Variants in OR5AS1 observed in about 807,000 individuals in gnomAD.
The protein encoded by OR5AS1 is olfactory receptor family 5 subfamily AS member 1.
For missense variants in OR5AS1, 492 were observed against 378.2 expected, an observed-to-expected ratio of 1.30 and a Z score of -2.50; for synonymous variants, 196 against 141.7, an observed-to-expected ratio of 1.38 and a Z score of -2.72.
At position 56,032,617 on chromosome 11, in the gene OR5AS1, G is replaced by A. The variant is rs1373831157; in HGVS notation, c.*1224G>A. The stretch of plus-strand genomic sequence containing the variant: ...TGGAGACAATAAGATAGCACCTAAT[G>A]AAATGGATTGTTTTGAGTATTAAGT... On this transcript the variant is annotated 3_prime_UTR_variant, in exon 2 of 2. Coordinates refer to ENST00000641320, the MANE Select transcript of OR5AS1 (RefSeq NM_001001921.2). The A allele has an allele frequency of 6.6e-6, 1 of 152,102 alleles. No individual in the cohort carries two copies. Among genetic ancestry groups the A allele is most frequent in the Non-Finnish European group, 1.5e-5 (1 of 68,012 alleles). 9.4% of individuals were successfully genotyped at this position (152,102 alleles called of 1,614,324 possible).
intron 1 of OR5AS1, among the ~76,000 whole-genome samples, chr11:56,028,040 C>T (rs1325741878): frequency 6.6e-6 from 1 of 152,020 alleles, no homozygotes; most frequent in African/African-American, 2.4e-5. Context: ...TAGCAGCATG[C>T]TAAACCTCAG....
At chr11:56,027,836 G>A (rs536219000) in intron 1 of OR5AS1, 124 bp downstream of exon 1, 1 of 151,696 alleles carries the variant, frequency 6.6e-6, no homozygotes, top group Non-Finnish European at 1.5e-5. Context: ...TGTGTGGTGT[G>A]TTTCAGTTTG....
rs61889975 is a variant in OR5AS1, at chr11:56,031,288, T to C, written c.870T>C (p.Tyr290=). 118,316 of 1,610,350 alleles carry C rather than the reference T, an allele frequency of 0.073. 4,936 individuals carry two copies. Among genetic ancestry groups the C allele is most frequent in the Non-Finnish European group, 0.082 (96,447 of 1,177,776 alleles). The stretch of plus-strand genomic sequence containing the variant: ...TTCCCATGTTTAATCCAATAATTTA[T>C]AGTTTCAGAAACAAGGATGTGAAAA... ...VVFPMFNPII[Y]SFRNKDVKNA... is the part of the protein sequence containing the mutation. Residue 290 remains tyrosine, a synonymous_variant, in exon 2 of 2, where the codon TAT becomes TAC. Transcript: ENST00000641320.
chr11:56,035,732 C>G lies in OR5AS1; in HGVS notation c.*4339C>G, dbSNP rs372488380. ...ACAGTCAACATTAGACAGACCAAGACAGAAAATTAACAAGGATATTCAGGA... is the reference window on the plus strand; with the variant it reads ...ACAGTCAACATTAGACAGACCAAGAGAGAAAATTAACAAGGATATTCAGGA... On this transcript the variant is annotated 3_prime_UTR_variant, in exon 2 of 2. Transcript: ENST00000641320. 2.6e-5 allele frequency: 4 copies of G among 151,952 alleles called. No homozygotes were observed. Among genetic ancestry groups the G allele is most frequent in the African/African-American group, 9.7e-5 (4 of 41,354 alleles). The allele number at this position is 151,952 out of a possible 1,614,324, so 9.4% of individuals were successfully genotyped here. A position where few individuals can be genotyped will look rare whatever the true frequency, so the allele number is the denominator to read the frequency against.
chr11:56,030,441 T>C lies in OR5AS1; in HGVS notation c.23T>C (p.Met8Thr). The change falls in exon 2 of 2, where the codon ATG (methionine) becomes ACG (threonine). Residue 8 changes from methionine to threonine, a missense_variant. Transcript: ENST00000641320. Reference sequence around the variant, plus strand: ...AAGATGTTGGAGAGTAATTACACCATGCCAACTGAGTTCCTATTTGTTGGA... The same window carrying C: ...AAGATGTTGGAGAGTAATTACACCACGCCAACTGAGTTCCTATTTGTTGGA... MLESNYT[M>T]PTEFLFVGFT... The C allele has an allele frequency of 1.3e-6, 2 of 1,492,504 alleles. No individual in the cohort carries two copies. The highest frequency in any genetic ancestry group is 1.8e-6 in the Non-Finnish European group (2 of 1,120,946). The allele number at this position is 1,492,504 out of a possible 1,614,324, so 92.5% of individuals were successfully genotyped here.
chr11:56,031,213 C>G lies in OR5AS1; in HGVS notation c.795C>G (p.Ser265Arg), dbSNP rs762903555. 2.5e-5 allele frequency: 41 copies of G among 1,613,352 alleles called. 1 individual carries two copies. The highest frequency in any genetic ancestry group is 3.5e-5 in the Non-Finnish European group (41 of 1,179,494). Residue 265 changes from serine to arginine, a missense_variant, in exon 2 of 2, where the codon AGC (serine) becomes AGG (arginine). Physicochemically the swap from Ser to Arg is moderately radical, Grantham distance 110. Coordinates refer to ENST00000641320, the MANE Select transcript of OR5AS1 (RefSeq NM_001001921.2). ...LLFMYLQPTT[S>R]YSLDTDKVVA... ...TTATGTACTTACAGCCCACCACTAG[C>G]TATTCCCTAGACACTGATAAGGTGG...
In OR5AS1 at chr11:56,030,559, T is replaced by G. The variant is rs144664981; in HGVS notation, c.141T>G (p.Ile47Met). 5.5e-5 allele frequency: 85 copies of G among 1,552,246 alleles called. No homozygotes were observed. The African/African-American group carries it at 1.0e-3, about 19-fold the overall frequency. The stretch of plus-strand genomic sequence containing the variant: ...TGGTCGGAAATATACTCTTAATAAT[T>G]CTAGTTAATATTAATTCAAGCCTTC... ...LTMVGNILLI[I>M]LVNINSSLQI... The change falls in exon 2 of 2, where the codon ATT (isoleucine) becomes ATG (methionine). Residue 47 changes from isoleucine (I) to methionine (M), a missense_variant. Physicochemically the swap from Ile to Met is conservative, Grantham distance 10 (BLOSUM62 1). Transcript: ENST00000641320.
At position 56,030,774 on chromosome 11, in the gene OR5AS1, CT is replaced by C. The variant is rs1164893126; in HGVS notation, c.358del (p.Tyr120MetfsTer16). The C allele has an allele frequency of 1.2e-6, 2 of 1,613,950 alleles. No homozygotes were observed. The highest frequency in any genetic ancestry group is 1.7e-5 in the Admixed American group (1 of 60,000). ...DAECLILAAM[A>X]YDRYAAICNP... ...GAGTGCCTTATCCTGGCAGCAATGG[CT>C]TATGACCGCTATGCAGCCATCTGCA... On this transcript the variant is annotated frameshift_variant, in exon 2 of 2. Coordinates refer to ENST00000641320, the MANE Select transcript of OR5AS1 (RefSeq NM_001001921.2). LOFTEE classifies it low-confidence loss of function (END_TRUNC).
Position 56,032,004 on chromosome 11 carries a change from A to C in OR5AS1, c.*611A>C, listed in dbSNP as rs1255242783. 6.6e-6 allele frequency: 1 copy of C among 152,194 alleles called. No individual in the cohort carries two copies. Among genetic ancestry groups the C allele is most frequent in the African/African-American group, 2.4e-5 (1 of 41,400 alleles). 9.4% of individuals were successfully genotyped at this position (152,194 alleles called of 1,614,324 possible). On this transcript the variant is annotated 3_prime_UTR_variant, in exon 2 of 2. Coordinates refer to ENST00000641320, the MANE Select transcript of OR5AS1 (RefSeq NM_001001921.2). ...CAGTGAGTCTATATTTGTACTCACAAAGCATTTGTCAATAGAGATATTTTA... is the reference window on the plus strand; with the variant it reads ...CAGTGAGTCTATATTTGTACTCACACAGCATTTGTCAATAGAGATATTTTA...
rs2512763 is a variant in OR5AS1, at chr11:56,034,786, G to A, written c.*3393G>A. On this transcript the variant is annotated 3_prime_UTR_variant, in exon 2 of 2. Transcript: ENST00000641320. ...ACACCACAAAGATACACCTCAAGAA[G>A]AGCAACCCCCAGACACATAATCATC... 0.82 allele frequency: 124,047 copies of A among 151,970 alleles called. 50,923 individuals carry two copies. Among genetic ancestry groups the A allele is most frequent in the East Asian group, 0.91 (4,708 of 5,156 alleles). The allele number at this position is 151,970 out of a possible 1,614,324, so 9.4% of individuals were successfully genotyped here. A position where few individuals can be genotyped will look rare whatever the true frequency, so the allele number is the denominator to read the frequency against.
chr11:56,030,642 C>A lies in OR5AS1; in HGVS notation c.224C>A (p.Thr75Lys). 1 of 1,570,928 alleles carries A rather than the reference C, an allele frequency of 6.4e-7. No individual in the cohort carries two copies. Among genetic ancestry groups the A allele is most frequent in the Non-Finnish European group, 8.6e-7 (1 of 1,158,478 alleles). The stretch of plus-strand genomic sequence containing the variant: ...TCTTTCTTAGACATCAGCTGTTCTA[C>A]AGCAATCACTCCTAAAATGCTGGCA... The part of the protein sequence containing the change: ...NLSFLDISCS[T>K]AITPKMLANF... The change falls in exon 2 of 2, where the codon ACA becomes AAA. Residue 75 changes from threonine to lysine, a missense_variant. By Grantham distance (78) the Thr-to-Lys change is moderately conservative. Coordinates refer to ENST00000641320, the MANE Select transcript of OR5AS1 (RefSeq NM_001001921.2).
chr11:56,036,181 G>A lies in OR5AS1; in HGVS notation c.*4788G>A, dbSNP rs192868581. The A allele has an allele frequency of 6.6e-6, 1 of 152,078 alleles. No homozygotes were observed. The highest frequency in any genetic ancestry group is 6.5e-5 in the Admixed American group (1 of 15,278). 9.4% of individuals were successfully genotyped at this position (152,078 alleles called of 1,614,324 possible). ...ACTAAAGGCCCACAAGAGAAAGCAG[G>A]AAAGATCTAAAATCAACACCCTAAC... is the stretch of plus-strand genomic sequence containing the variant. On this transcript the variant is annotated 3_prime_UTR_variant, in exon 2 of 2. Transcript: ENST00000641320.
Position 56,035,641 on chromosome 11 carries a change from A to G in OR5AS1, c.*4248A>G, listed in dbSNP as rs1006727151. 6.6e-6 allele frequency: 1 copy of G among 152,158 alleles called. No homozygotes were observed. The highest frequency in any genetic ancestry group is 1.9e-4 in the East Asian group (1 of 5,196). The allele number at this position is 152,158 out of a possible 1,614,324, so 9.4% of individuals were successfully genotyped here. ...CAAGAGCACCCAAATTCATAAAGCCAGTTCTTAGAGATCTATGAAGAGACT... is the reference window on the plus strand; with the variant it reads ...CAAGAGCACCCAAATTCATAAAGCCGGTTCTTAGAGATCTATGAAGAGACT... On this transcript the variant is annotated 3_prime_UTR_variant, in exon 2 of 2. Transcript: ENST00000641320.
Position 56,032,716 on chromosome 11 carries a change from C to T in OR5AS1, c.*1323C>T, listed in dbSNP as rs1332341869. 2 of 152,036 alleles carry T rather than the reference C, an allele frequency of 1.3e-5. No individual in the cohort carries two copies. Among genetic ancestry groups the T allele is most frequent in the African/African-American group, 4.8e-5 (2 of 41,348 alleles). The allele number at this position is 152,036 out of a possible 1,614,324, so 9.4% of individuals were successfully genotyped here. A position where few individuals can be genotyped will look rare whatever the true frequency, so the allele number is the denominator to read the frequency against. Reference sequence around the variant, plus strand: ...AAATAATCTAATATTTATAGACATACCATGAAGATACTGTGGGTTCTCTTC... The same window carrying T: ...AAATAATCTAATATTTATAGACATATCATGAAGATACTGTGGGTTCTCTTC... On this transcript the variant is annotated 3_prime_UTR_variant, in exon 2 of 2. Coordinates refer to ENST00000641320, the MANE Select transcript of OR5AS1 (RefSeq NM_001001921.2).
rs1853357666 is a variant in OR5AS1 at position 56,032,093 on chromosome 11, CAT to C, written c.*701_*702del. The C allele has an allele frequency of 1.3e-5, 2 of 152,108 alleles. No individual in the cohort carries two copies. Among genetic ancestry groups the C allele is most frequent in the South Asian group, 4.1e-4 (2 of 4,834 alleles). 9.4% of individuals were successfully genotyped at this position (152,108 alleles called of 1,614,324 possible). A position where few individuals can be genotyped will look rare whatever the true frequency, so the allele number is the denominator to read the frequency against. On this transcript the variant is annotated 3_prime_UTR_variant, in exon 2 of 2. Transcript: ENST00000641320. ...CACTGGTTCTCAAGAAATTAGAAGACATGTAGCAATAGTCTCATTATTATTAA... is the reference window on the plus strand; with the variant it reads ...CACTGGTTCTCAAGAAATTAGAAGACGTAGCAATAGTCTCATTATTATTAA...
rs1431060556 is a variant in OR5AS1 at position 56,034,647 on chromosome 11, G to GA, written c.*3257dup. On this transcript the variant is annotated 3_prime_UTR_variant, in exon 2 of 2. Coordinates refer to ENST00000641320, the MANE Select transcript of OR5AS1 (RefSeq NM_001001921.2). ...AAACATATATTTGATTGGTGTACCT[G>GA]AAAGTGAGGGGGAGAATGGAACCAA... is the stretch of plus-strand genomic sequence containing the variant. 6.6e-6 allele frequency: 1 copy of GA among 152,102 alleles called. No individual in the cohort carries two copies. Among genetic ancestry groups the GA allele is most frequent in the Non-Finnish European group, 1.5e-5 (1 of 68,042 alleles). 9.4% of individuals were successfully genotyped at this position (152,102 alleles called of 1,614,324 possible). A position where few individuals can be genotyped will look rare whatever the true frequency, so the allele number is the denominator to read the frequency against.
At chr11:56,028,698 C>G (rs1050867227) in intron 1 of OR5AS1, among the ~76,000 whole-genome samples, 6 of 151,960 alleles carry the variant, frequency 3.9e-5, no homozygotes, top group African/African-American at 1.5e-4. Flanking sequence ...GACTACAAAA[C>G]CCCTTTAAAT....
rs1241077797 is a variant in OR5AS1, at chr11:56,031,831, C to T, written c.*438C>T. ...AGAGTTCCATTATTGGAACACTAAG[C>T]ATCCTACTGCTCAAGGTCATCGCCA... On this transcript the variant is annotated 3_prime_UTR_variant, in exon 2 of 2. Transcript: ENST00000641320. 1 of 154,396 alleles carries T rather than the reference C, an allele frequency of 6.5e-6. No homozygotes were observed. Among genetic ancestry groups the T allele is most frequent in the African/African-American group, 2.4e-5 (1 of 41,392 alleles). 9.6% of individuals were successfully genotyped at this position (154,396 alleles called of 1,614,324 possible).
intron 1 of OR5AS1, among the ~76,000 whole-genome samples, chr11:56,029,103 T>C (rs1853322437): frequency 6.6e-6 from 1 of 152,058 alleles, no homozygotes; most frequent in African/African-American, 2.4e-5. Flanking sequence ...TTTCGGTACA[T>C]TTAGAAGATT....
Sources: allele counts gnomAD v4.1 joint callset (sites outside exome capture counted in the v4.1 genomes callset), GRCh38; gene constraint gnomAD v4.1.1; transcripts MANE v1.5; gene names NCBI Gene and HGNC (gene_info 2026-07-23, HGNC 2026-07-21).